CARMIL1: variants seen among roughly 807,000 people sequenced by gnomAD.
The protein encoded by CARMIL1 is F-actin-uncapping protein LRRC16A.
Under a neutral mutation model 177.1 loss-of-function variants are expected in CARMIL1, and 90 were observed. The ratio of observed to expected loss-of-function variants is 0.51; its 90% CI spans 0.43 to 0.61. The LOEUF is 0.61. Ranked by LOEUF, CARMIL1 falls within the 20% of genes least tolerant of loss-of-function variation. The pLI, the probability that CARMIL1 is intolerant of heterozygous loss-of-function variation, is 0.00. For missense variants in CARMIL1, 1,380 were observed against 1,667.0 expected, an observed-to-expected ratio of 0.83 and a Z score of 3.00; for synonymous variants, 577 against 606.2, an observed-to-expected ratio of 0.95 and a Z score of 0.71.
At chr6:25,523,330 T>G (rs1806760890) in intron 23 of CARMIL1, among the ~76,000 whole-genome samples, 1 of 152,204 alleles carries the variant, frequency 6.6e-6, no homozygotes, top group Admixed American at 6.5e-5. Flanking sequence ...TAGCTGACAA[T>G]ATGTAATTCT....
intron 2 of CARMIL1, among the ~76,000 whole-genome samples, chr6:25,321,808 G>A (rs1479059370): frequency 3.3e-5 from 5 of 150,710 alleles, no homozygotes; most frequent in Admixed American, 2.0e-4. Context: ...ACAGGCGCCC[G>A]CCACCACGCC....
At chr6:25,465,071 C>CAAAAAAAAAAA (rs558022196) in intron 8 of CARMIL1, among the ~76,000 whole-genome samples, 11 of 62,006 alleles carry the variant, frequency 1.8e-4, no homozygotes, top group African/African-American at 5.6e-4. Flanking sequence ...AGAACTAAAG[C>CAAAAAAAAAAA]AAAAAAAAAA....
chr6:25,281,718 TCAAGTGCTCA>T (rs1204257659), intron 1 of CARMIL1, among the ~76,000 whole-genome samples: 1 of 152,118 alleles, frequency 6.6e-6, no homozygotes, highest in Non-Finnish European at 1.5e-5. Flanking sequence ...TCCTCTAAAT[TCAAGTGCTCA>T]CAAGAGTTCT....
intron 2 of CARMIL1, among the ~76,000 whole-genome samples, chr6:25,355,413 C>G (rs765240865): frequency 1.7e-4 from 26 of 152,104 alleles, no homozygotes; most frequent in Non-Finnish European, 3.2e-4. Flanking sequence ...GAGGCTGAGG[C>G]TGGAGGATCG....
intron 32 of CARMIL1, among the ~76,000 whole-genome samples, chr6:25,599,341 T>A (rs1815168468): frequency 6.6e-6 from 1 of 152,238 alleles, no homozygotes; most frequent in African/African-American, 2.4e-5. Flanking sequence ...AACTAGTGTA[T>A]TTTGGCTTCC....
In CARMIL1 at chr6:25,431,465, CAT is replaced by C. The variant is rs1277895388; in HGVS notation, c.250-4015_250-4014del. Among the ~76,000 whole-genome samples, 3 of 151,570 alleles carry C rather than the reference CAT, an allele frequency of 2.0e-5. No individual in the cohort carries two copies. The East Asian group carries it at 5.8e-4, about 30-fold the overall frequency. The stretch of plus-strand genomic sequence containing the variant: ...GAGTTTGAAAGAAAAATCGCAGCAA[CAT>C]ATGTTTGCCCAAATGGTCAAACATA... On this transcript the variant is annotated intron_variant, in intron 4 of 36. Transcript: ENST00000329474.
chr6:25,405,650 T>C lies in CARMIL1; in HGVS notation c.139-14464T>C, dbSNP rs760928250. Among the ~76,000 whole-genome samples the C allele has an allele frequency of 2.4e-4, 37 of 152,338 alleles. 1 individual carries two copies. Among genetic ancestry groups the C allele is most frequent in the Admixed American group, 1.0e-3 (16 of 15,308 alleles). The stretch of plus-strand genomic sequence containing the variant: ...GAACACAGTAGGCAAAAGGCAGGGG[T>C]GTCAGCACTTGACACTTCTATGCCT... On this transcript the variant is annotated intron_variant, in intron 2 of 36. Transcript: ENST00000329474.
intron 2 of CARMIL1, among the ~76,000 whole-genome samples, chr6:25,357,099 C>G (rs1446502153): frequency 1.4e-5 from 2 of 146,392 alleles, no homozygotes; most frequent in East Asian, 3.9e-4. Flanking sequence ...TTTTGGCACT[C>G]TGTAAGGTTT....
intron 8 of CARMIL1, among the ~76,000 whole-genome samples, chr6:25,458,699 A>G (rs967647302): frequency 1.3e-5 from 2 of 152,100 alleles, no homozygotes; most frequent in Admixed American, 6.5e-5. Context: ...AGTGGTTAAG[A>G]CACGGGATCA....
intron 20 of CARMIL1, among the ~76,000 whole-genome samples, chr6:25,514,285 G>A (rs927375110): frequency 2.0e-5 from 3 of 152,094 alleles, no homozygotes; most frequent in Admixed American, 1.3e-4. Context: ...GGTGGTTCAC[G>A]CCTGTAATCC....
At chr6:25,576,601 G>A (rs115401565) in intron 29 of CARMIL1, among the ~76,000 whole-genome samples, 51 of 152,262 alleles carry the variant, frequency 3.3e-4, no homozygotes, top group Non-Finnish European at 5.7e-4. Context: ...ACAACCATCC[G>A]CTGCTCTGTC....
In CARMIL1 at chr6:25,602,035, A is replaced by T. The variant is rs376499978; in HGVS notation, c.3552+1289A>T. On this transcript the variant is annotated intron_variant, in intron 33 of 36. Coordinates refer to ENST00000329474, the MANE Select transcript of CARMIL1 (RefSeq NM_017640.6). ...TTGACTTTCAGAAAGTAAACAATTA[A>T]CTACATGGCAGGTGTAGGGAGCTCT... Among the ~76,000 whole-genome samples, 36 of 152,356 alleles carry T rather than the reference A, an allele frequency of 2.4e-4. No homozygotes were observed. The East Asian group carries it at 4.6e-3, about 20-fold the overall frequency.
chr6:25,521,262 T>TG (rs1179671782), intron 23 of CARMIL1, among the ~76,000 whole-genome samples: 1 of 152,112 alleles, frequency 6.6e-6, no homozygotes, highest in Non-Finnish European at 1.5e-5. Context: ...TCAGCAGGCT[T>TG]GGGGGGAAGC....
chr6:25,416,377 C>T (rs1386813268), intron 2 of CARMIL1, among the ~76,000 whole-genome samples: 1 of 152,142 alleles, frequency 6.6e-6, no homozygotes, highest in Non-Finnish European at 1.5e-5. Context: ...TCCCAACTGC[C>T]ACCTACTTGC....
At position 25,528,828 on chromosome 6, in the gene CARMIL1, A is replaced by G; in HGVS notation, c.2002A>G (p.Arg668Gly). The G allele has an allele frequency of 6.2e-7, 1 of 1,609,666 alleles. No individual in the cohort carries two copies. The highest frequency in any genetic ancestry group is 8.5e-7 in the Non-Finnish European group (1 of 1,177,892). The change falls in exon 24 of 37, where the codon AGA (arginine) becomes GGA (glycine). Residue 668 changes from arginine to glycine, a missense_variant. Physicochemically the swap from Arg to Gly is moderately radical, Grantham distance 125. Transcript: ENST00000329474. ...ENYLLRNHET[R>G]KYLQEQAYRL... The stretch of plus-strand genomic sequence containing the variant: ...CTACCTGCTACGAAATCACGAGACT[A>G]GAAAATACCTTCAAGAGCAGGCCTA...
At chr6:25,311,199 C>CA (rs981666268) in intron 2 of CARMIL1, among the ~76,000 whole-genome samples, 3 of 151,500 alleles carry the variant, frequency 2.0e-5, no homozygotes, top group Admixed American at 6.6e-5. Context: ...AAACAAAACA[C>CA]AAAAAAAACC....
intron 2 of CARMIL1, among the ~76,000 whole-genome samples, chr6:25,315,787 C>G (rs768857217): frequency 6.6e-6 from 1 of 152,228 alleles, no homozygotes; most frequent in African/African-American, 2.4e-5. Context: ...GAACCAGATA[C>G]AGCAGAATTA....
intron 29 of CARMIL1, among the ~76,000 whole-genome samples, chr6:25,578,381 G>A (rs572306634): frequency 1.8e-4 from 28 of 152,112 alleles, no homozygotes; most frequent in East Asian, 1.5e-3. Context: ...AGGAAGGAGC[G>A]CAAATAAACC....
chr6:25,388,169 G>A (rs76086223), intron 2 of CARMIL1: 2,182 of 151,908 alleles, frequency 0.014, 51 homozygotes, highest in African/African-American at 0.047. Flanking sequence ...GTTTCTTGAT[G>A]TCAAGTTATG....
Sources: allele counts gnomAD v4.1 joint callset (sites outside exome capture counted in the v4.1 genomes callset), GRCh38; gene constraint gnomAD v4.1.1; transcripts MANE v1.5; gene names NCBI Gene and HGNC (gene_info 2026-07-23, HGNC 2026-07-21).